SLC38A1: variants seen among roughly 807,000 people sequenced by gnomAD.
SLC38A1 encodes sodium-coupled neutral amino acid symporter 1.
SLC38A1 carries 18 observed loss-of-function variants against 60.3 expected under a neutral mutation model. That is an observed-to-expected ratio of 0.30 (90% CI 0.21 to 0.44). SLC38A1 has a LOEUF of 0.44. Among genes scored for constraint, SLC38A1 ranks in the 20% least tolerant of loss-of-function variants. SLC38A1 has a pLI of 1.00. For missense variants in SLC38A1, 448 were observed against 587.2 expected, an observed-to-expected ratio of 0.76 and a Z score of 2.45; for synonymous variants, 196 against 212.1, an observed-to-expected ratio of 0.92 and a Z score of 0.66.
At chr12:46,215,783 A>G (rs1940383113) in intron 5 of SLC38A1, among the ~76,000 whole-genome samples, 1 of 152,150 alleles carries the variant, frequency 6.6e-6, no homozygotes, top group Admixed American at 6.5e-5. Flanking sequence ...CCTCTTCTAG[A>G]TCCAGTTAGA....
At chr12:46,190,897 A>T (rs1939117681) in intron 16 of SLC38A1, among the ~76,000 whole-genome samples, 1 of 152,086 alleles carries the variant, frequency 6.6e-6, no homozygotes, top group South Asian at 2.1e-4. Flanking sequence ...ATTCACTCTG[A>T]TGGTAGTTTC....
intron 1 of SLC38A1, among the ~76,000 whole-genome samples, chr12:46,266,559 C>T (rs1018016927): frequency 4.0e-5 from 6 of 151,748 alleles, no homozygotes; most frequent in African/African-American, 7.3e-5. Context: ...TCACACCGCC[C>T]CTCCCGGTGA....
chr12:46,239,628 C>A, intron 3 of SLC38A1, 51 bp downstream of exon 3: 1 of 1,605,162 alleles, frequency 6.2e-7, no homozygotes, highest in East Asian at 2.2e-5. Context: ...CAGGTGTGAG[C>A]CACGAGCCAT....
At chr12:46,202,203 AAT>A (rs113848881) in intron 12 of SLC38A1, among the ~76,000 whole-genome samples, 15,427 of 67,102 alleles carry the variant, frequency 0.23, 805 homozygotes, top group African/African-American at 0.35. Context: ...AAAAAAAAAA[AAT>A]AAATAAAGAA....
At chr12:46,266,518 T>C (rs763164013) in intron 1 of SLC38A1, among the ~76,000 whole-genome samples, 1 of 151,882 alleles carries the variant, frequency 6.6e-6, no homozygotes, top group Non-Finnish European at 1.5e-5. Context: ...TCCCTTTTCA[T>C]CATTCGGGTC....
intron 5 of SLC38A1, among the ~76,000 whole-genome samples, chr12:46,214,505 A>G (rs1412197416): frequency 6.6e-6 from 1 of 152,224 alleles, no homozygotes; most frequent in African/African-American, 2.4e-5. Context: ...AAAGTACCAT[A>G]TGCTAATAAA....
intron 1 of SLC38A1, among the ~76,000 whole-genome samples, chr12:46,248,884 C>T (rs1378165936): frequency 6.6e-6 from 1 of 152,036 alleles, no homozygotes; most frequent in Non-Finnish European, 1.5e-5. Flanking sequence ...AGGCCAGGTG[C>T]GATGGCTCAC....
intron 3 of SLC38A1, among the ~76,000 whole-genome samples, chr12:46,232,832 T>C (rs1941125909): frequency 6.6e-6 from 1 of 152,226 alleles, no homozygotes; most frequent in East Asian, 1.9e-4. Flanking sequence ...TCTAGACTAC[T>C]TATAATACCT....
chr12:46,197,891 T>C (rs373274606), intron 15 of SLC38A1, 28 bp downstream of exon 15: 1 of 1,610,510 alleles, frequency 6.2e-7, no homozygotes, highest in Non-Finnish European at 8.5e-7. Context: ...TACTGTAGAA[T>C]GACAAGCACA....
At chr12:46,195,536 C>G (rs374094425) in intron 16 of SLC38A1, among the ~76,000 whole-genome samples, 1 of 152,180 alleles carries the variant, frequency 6.6e-6, no homozygotes, top group African/African-American at 2.4e-5. Flanking sequence ...TTCTGCCATG[C>G]CCTGCCTCCA....
rs1431679526 is a variant in SLC38A1, at chr12:46,251,852, G to C, written c.-208-8538C>G. ...GTCAGGAAACAACAGAGGCTGGAGA[G>C]GATGTGGAGAAATAGGAATGCTTTT... On this transcript the variant is annotated intron_variant, in intron 1 of 16. Transcript: ENST00000398637. Among the ~76,000 whole-genome samples, 6 of 152,110 alleles carry C rather than the reference G, an allele frequency of 3.9e-5. No homozygotes were observed. In the East Asian group the frequency reaches 1.2e-3, roughly 29 times the overall value.
chr12:46,235,253 G>A (rs772327224), intron 3 of SLC38A1, among the ~76,000 whole-genome samples: 2 of 152,222 alleles, frequency 1.3e-5, no homozygotes, highest in Non-Finnish European at 2.9e-5. Context: ...TTGTACAACA[G>A]AAAGATAATC....
chr12:46,217,560 C>A (rs943809849), intron 5 of SLC38A1, among the ~76,000 whole-genome samples: 12 of 151,988 alleles, frequency 7.9e-5, no homozygotes, highest in Non-Finnish European at 1.6e-4. Flanking sequence ...TTATTTTAAC[C>A]CCTTTTTAGG....
At chr12:46,228,494 G>A (rs1313568003) in intron 5 of SLC38A1, among the ~76,000 whole-genome samples, 2 of 152,186 alleles carry the variant, frequency 1.3e-5, no homozygotes, top group African/African-American at 4.8e-5. Flanking sequence ...ACACTCGTGT[G>A]ACATTTGAGA....
At chr12:46,198,811 T>C in intron 13 of SLC38A1, 68 bp from the exon 14 acceptor site, 1 of 938,262 alleles carries the variant, frequency 1.1e-6, no homozygotes, top group South Asian at 1.7e-5. Flanking sequence ...ACAGTTTTTC[T>C]GAAAAACAAA....
At chr12:46,233,584 T>G (rs1358865856) in intron 3 of SLC38A1, among the ~76,000 whole-genome samples, 1 of 152,042 alleles carries the variant, frequency 6.6e-6, no homozygotes, top group African/African-American at 2.4e-5. Flanking sequence ...CCAGGCACTG[T>G]GACATGAGGG....
chr12:46,239,513 C>T (rs1273094264), intron 3 of SLC38A1, 166 bp downstream of exon 3: 21 of 606,526 alleles, frequency 3.5e-5, no homozygotes, highest in South Asian at 7.5e-5. Context: ...TTAGTAGAGA[C>T]GGGGTTTCAC....
In SLC38A1 at chr12:46,206,122, T is replaced by C; in HGVS notation, c.604A>G (p.Thr202Ala). The C allele has an allele frequency of 6.2e-7, 1 of 1,612,246 alleles. No individual in the cohort carries two copies. Among genetic ancestry groups the C allele is most frequent in the Non-Finnish European group, 8.5e-7 (1 of 1,178,860 alleles). The change falls in exon 9 of 17, where the codon ACC becomes GCC. Residue 202 changes from threonine to alanine, a missense_variant. By Grantham distance (58) the Thr-to-Ala change is moderately conservative. Around this residue, in one of 2 missense-constraint regions of SLC38A1, gnomAD observed 346 missense variants for 497.5 expected, o/e 0.70. Transcript: ENST00000398637. ...VDGRVLVVIV[T>A]FGIILPLCLL... is the part of the protein sequence containing the mutation. ...CACAGAGGGAGAATTATGCCAAAGG[T>C]AACTATCACCACCAGAACGCGGCCA...
chr12:46,194,461 G>T (rs1187336284), intron 16 of SLC38A1, among the ~76,000 whole-genome samples: 2 of 152,150 alleles, frequency 1.3e-5, no homozygotes, highest in Non-Finnish European at 2.9e-5. Flanking sequence ...TGTATTTCCT[G>T]AATTTGAATG....
Sources: allele counts gnomAD v4.1 joint callset (sites outside exome capture counted in the v4.1 genomes callset), GRCh38; gene constraint gnomAD v4.1.1; regional missense constraint gnomAD v4.1.1; transcripts MANE v1.5; gene names NCBI Gene and HGNC (gene_info 2026-07-23, HGNC 2026-07-21).